The following SMARCA1 variants were observed in gnomAD, a reference collection of about 807,000 sequenced individuals.
SMARCA1 encodes SNF2 related chromatin remodeling ATPase 1.
In SMARCA1, 17 loss-of-function variants were observed where a neutral mutation model predicts 93.6. The observed-to-expected ratio is 0.18, with a 90% confidence interval of 0.12 to 0.27. SMARCA1 has a LOEUF of 0.27. Ranked by LOEUF, SMARCA1 falls within the 10% of genes least tolerant of loss-of-function variation. The probability of loss-of-function intolerance (pLI) is 1.00; values close to 1 mark genes in which losing one functional copy is unlikely to be tolerated. For missense variants in SMARCA1, 630 were observed against 819.0 expected, an observed-to-expected ratio of 0.77 and a Z score of 2.82; for synonymous variants, 271 against 271.4, an observed-to-expected ratio of 1.00 and a Z score of 0.01.
chrX:129,467,492 C>T (rs1052973691), intron 21 of SMARCA1, among the ~76,000 whole-genome samples: 3 of 110,861 alleles, frequency 2.7e-5, no homozygotes, highest in Non-Finnish European at 5.7e-5. Flanking sequence ...CCCTAAGCCT[C>T]CAAATGCCCT....
intron 12 of SMARCA1, among the ~76,000 whole-genome samples, chrX:129,495,011 A>AT (rs1376124487): frequency 8.9e-6 from 1 of 112,490 alleles, no homozygotes; most frequent in East Asian, 2.8e-4. Context: ...TGGGTTTTGC[A>AT]TGTGCTCCCC....
intron 5 of SMARCA1, among the ~76,000 whole-genome samples, chrX:129,513,914 G>A (rs1009160888): frequency 3.6e-5 from 4 of 112,311 alleles, no homozygotes; most frequent in African/African-American, 1.3e-4. Context: ...TGGCTCTTCT[G>A]GATAATAGTG....
intron 17 of SMARCA1, among the ~76,000 whole-genome samples, chrX:129,482,210 T>C (rs1388061913): frequency 6.5e-4 from 59 of 90,251 alleles, no homozygotes; most frequent in African/African-American, 9.9e-4. Context: ...AGGGATAGCA[T>C]TGGGAGATAT....
intron 6 of SMARCA1, among the ~76,000 whole-genome samples, chrX:129,511,432 T>C (rs970256429): frequency 8.9e-6 from 1 of 112,097 alleles, no homozygotes; most frequent in Non-Finnish European, 1.9e-5. Flanking sequence ...AATTTATATA[T>C]TGTTGGCTTC....
intron 9 of SMARCA1, among the ~76,000 whole-genome samples, chrX:129,501,445 G>A (rs1934553342): frequency 1.8e-5 from 2 of 109,021 alleles, no homozygotes; most frequent in Non-Finnish European, 1.9e-5. Flanking sequence ...ACAGGCGCAC[G>A]CCACCACGCT....
At chrX:129,467,525 G>T (rs1045762589) in intron 21 of SMARCA1, among the ~76,000 whole-genome samples, 3 of 110,403 alleles carry the variant, frequency 2.7e-5, no homozygotes, top group African/African-American at 9.9e-5. Context: ...TAAATGTTCA[G>T]AGTAATAGTA....
chrX:129,469,037 G>T, intron 20 of SMARCA1, 132 bp from the exon 21 acceptor site: 2 of 373,769 alleles, frequency 5.4e-6, no homozygotes, highest in Non-Finnish European at 8.8e-6. Flanking sequence ...TTATAAAATT[G>T]CACATATTTT....
intron 13 of SMARCA1, among the ~76,000 whole-genome samples, chrX:129,492,550 G>A (rs781094601): frequency 2.7e-5 from 3 of 111,221 alleles, no homozygotes; most frequent in African/African-American, 9.8e-5. Flanking sequence ...AACCAACAGA[G>A]AAAATGGTTT....
rs772106726 is a variant in SMARCA1 at position 129,492,067 on chromosome X, A to G, written c.1689T>C (p.Pro563=). 4 of 1,174,604 alleles carry G rather than the reference A, an allele frequency of 3.4e-6. No homozygotes were observed. Among genetic ancestry groups the G allele is most frequent in the Middle Eastern group, 2.4e-4 (1 of 4,253 alleles). Residue 563 remains proline, a synonymous_variant, in exon 14 of 25, where the codon CCT becomes CCC. Coordinates refer to ENST00000371121, the MANE Select transcript of SMARCA1 (RefSeq NM_001282874.2). ...QREAIEAFNA[P]NSSKFIFMLS... ...GCATAAAGATGAATTTGCTACTATTAGGAGCATTAAAAGCCTCTATTGCTT... is the reference window on the plus strand; with the variant it reads ...GCATAAAGATGAATTTGCTACTATTGGGAGCATTAAAAGCCTCTATTGCTT...
chrX:129,479,951 G>A (rs767496430), intron 19 of SMARCA1, among the ~76,000 whole-genome samples: 70 of 111,499 alleles, frequency 6.3e-4, no homozygotes, highest in Non-Finnish European at 6.6e-4. Context: ...TTCTGCCTCG[G>A]CCTCCCAAAG....
intron 5 of SMARCA1, among the ~76,000 whole-genome samples, chrX:129,513,437 C>T (rs1404522405): frequency 2.8e-5 from 3 of 107,664 alleles, no homozygotes; most frequent in Non-Finnish European, 3.8e-5. Flanking sequence ...GGGAGGAGAA[C>T]CGCTTGAACC....
chrX:129,489,753 T>A (rs1934047954), intron 15 of SMARCA1, among the ~76,000 whole-genome samples: 1 of 111,732 alleles, frequency 8.9e-6, no homozygotes, highest in South Asian at 3.7e-4. Context: ...GAGACAGGGA[T>A]TCACCATGTT....
At chrX:129,505,638 T>C (rs1339497355) in intron 8 of SMARCA1, among the ~76,000 whole-genome samples, 1 of 111,634 alleles carries the variant, frequency 9.0e-6, no homozygotes, top group Non-Finnish European at 1.9e-5. Context: ...ATAACACATT[T>C]ACACAATATG....
chrX:129,470,130 A>G (rs1426030036), intron 20 of SMARCA1, among the ~76,000 whole-genome samples: 1 of 111,826 alleles, frequency 8.9e-6, no homozygotes, highest in African/African-American at 3.2e-5. Context: ...GTGGAGAATT[A>G]CCTACTACTA....
At chrX:129,459,049 T>C (rs1932755887) in intron 23 of SMARCA1, among the ~76,000 whole-genome samples, 1 of 112,485 alleles carries the variant, frequency 8.9e-6, no homozygotes, top group Non-Finnish European at 1.9e-5. Context: ...CAAATAAACA[T>C]ATCCTACATT....
At chrX:129,510,568 T>C (rs1274904236) in intron 6 of SMARCA1, among the ~76,000 whole-genome samples, 1 of 111,549 alleles carries the variant, frequency 9.0e-6, no homozygotes, top group Admixed American at 9.5e-5. Flanking sequence ...ACCCCGCCTC[T>C]GGAAAAAGAA....
intron 1 of SMARCA1, among the ~76,000 whole-genome samples, chrX:129,522,088 A>G (rs1226909866): frequency 9.0e-6 from 1 of 111,184 alleles, no homozygotes; most frequent in Non-Finnish European, 1.9e-5. Context: ...CCACACATAA[A>G]CCATTAGTTA....
chrX:129,447,733 T>C (rs1403121753), intron 24 of SMARCA1, among the ~76,000 whole-genome samples: 1 of 111,713 alleles, frequency 9.0e-6, no homozygotes, highest in East Asian at 2.8e-4. Context: ...ATGCTGTGTC[T>C]TACAATGGAA....
chrX:129,518,280 T>TAC (rs1935271630), intron 2 of SMARCA1, 81 bp downstream of exon 2: 12 of 499,026 alleles, frequency 2.4e-5, no homozygotes, highest in South Asian at 3.9e-5. Context: ...ATTATATATA[T>TAC]ACATGTATTT....
Sources: gnomAD v4.1 joint callset for allele counts (sites outside exome capture counted in the v4.1 genomes callset) on GRCh38, gnomAD v4.1.1 for gene constraint, MANE v1.5 for transcripts, NCBI Gene and HGNC (gene_info 2026-07-23, HGNC 2026-07-21) for gene names.